The following PPP4R3B variants were observed in gnomAD, a reference collection of about 807,000 sequenced individuals.
The protein encoded by PPP4R3B is protein phosphatase 4 regulatory subunit 3B.
Under a neutral mutation model 95.4 loss-of-function variants are expected in PPP4R3B, and 52 were observed. That is an observed-to-expected ratio of 0.54 (90% CI 0.44 to 0.69). The LOEUF is 0.69. Among genes scored for constraint, PPP4R3B ranks in the 30% least tolerant of loss-of-function variants. The pLI is 0.00. For synonymous variants in PPP4R3B, 407 were observed against 343.9 expected (o/e 1.18, Z -2.03); for missense variants, 1,003 against 1,005.9 (o/e 1.00, Z 0.04).
At chr2:55,564,800 T>C in intron 14 of PPP4R3B, 102 bp downstream of exon 14, 1 of 1,407,400 alleles carries the variant, frequency 7.1e-7, no homozygotes, top group South Asian at 1.3e-5. Flanking sequence ...TATCCAGTGA[T>C]GGAAAGAAAA....
At chr2:55,604,752 C>A (rs1693141600) in intron 2 of PPP4R3B, among the ~76,000 whole-genome samples, 1 of 151,758 alleles carries the variant, frequency 6.6e-6, no homozygotes, top group African/African-American at 2.4e-5. Context: ...AGGTTGTCAC[C>A]CCTTGTATTA....
At position 55,609,682 on chromosome 2, in the gene PPP4R3B, C is replaced by A. The variant is rs13394625; in HGVS notation, c.199-5606G>T. Among the ~76,000 whole-genome samples, 409 of 138,110 alleles carry A rather than the reference C, an allele frequency of 3.0e-3. 1 individual carries two copies. The highest frequency in any genetic ancestry group is 7.9e-3 in the African/African-American group (295 of 37,552). 90.6% of individuals were successfully genotyped at this position (138,110 alleles called of 152,430 possible). On this transcript the variant is annotated intron_variant, in intron 2 of 16. Transcript: ENST00000616407. ...GACTGTGTCTCAAAAAAAAAAAAAA[C>A]AAAAAAAACAAAAAAACTCTTTCCA...
intron 4 of PPP4R3B, among the ~76,000 whole-genome samples, chr2:55,596,204 T>C (rs930982521): frequency 6.6e-6 from 1 of 152,226 alleles, no homozygotes; most frequent in African/African-American, 2.4e-5. Flanking sequence ...CAAGGACTCA[T>C]TTAATTTTAC....
At chr2:55,571,554 G>T (rs1687995475) in intron 12 of PPP4R3B, among the ~76,000 whole-genome samples, 1 of 152,060 alleles carries the variant, frequency 6.6e-6, no homozygotes, top group Non-Finnish European at 1.5e-5. Context: ...AAGTGAAGGG[G>T]TCTCAGTAGG....
At chr2:55,594,232 G>A (rs999826358) in intron 4 of PPP4R3B, among the ~76,000 whole-genome samples, 20 of 148,720 alleles carry the variant, frequency 1.3e-4, no homozygotes, top group Non-Finnish European at 3.0e-5. Flanking sequence ...TACACTAGAA[G>A]CCCAATCTCC....
intron 12 of PPP4R3B, among the ~76,000 whole-genome samples, chr2:55,572,165 A>C (rs994574898): frequency 6.6e-6 from 1 of 152,196 alleles, no homozygotes; most frequent in African/African-American, 2.4e-5. Flanking sequence ...CATAAATGTA[A>C]AAAAGGAAAT....
rs766444740 is a variant in PPP4R3B at position 55,564,489 on chromosome 2, G to A, written c.2084C>T (p.Ser695Phe). 6.9e-6 allele frequency: 11 copies of A among 1,599,968 alleles called. 1 individual carries two copies. In the Admixed American group the frequency reaches 1.4e-4, roughly 21 times the overall value. ...RQNQKLNSVP[S>F]ILRSNRFRRD... Reference sequence around the variant, plus strand: ...GCGAAATCTGTTACTACGCAATATAGATGGTACACTGTAAGAAATATATCA... The same window carrying A: ...GCGAAATCTGTTACTACGCAATATAAATGGTACACTGTAAGAAATATATCA... The change falls in exon 15 of 17, where the codon TCT (serine) becomes TTT (phenylalanine). Residue 695 changes from serine to phenylalanine, a missense_variant. Around this residue, in one of 3 missense-constraint regions of PPP4R3B, gnomAD observed 229 missense variants for 194.7 expected, o/e 1.18. Coordinates refer to ENST00000616407, the MANE Select transcript of PPP4R3B (RefSeq NM_001122964.3).
In PPP4R3B at chr2:55,598,828, C is replaced by G; in HGVS notation, c.509G>C (p.Gly170Ala). ...CAGCTGCAATAGTTTTTTAATATAG[C>G]CTTCATTTTCCAAGGCGAGAGCCAG... ...EKLALALENEGYIKKLLQLFQ... is the reference protein window; with the variant it reads ...EKLALALENEAYIKKLLQLFQ... Residue 170 changes from glycine to alanine, a missense_variant, in exon 4 of 17, where the codon GGC (glycine) becomes GCC (alanine). This residue lies in a region of PPP4R3B where 695 missense variants were observed against 686.2 expected (regional missense o/e 1.01). Transcript: ENST00000616407. The G allele has an allele frequency of 6.2e-7, 1 of 1,614,158 alleles. No homozygotes were observed. Among genetic ancestry groups the G allele is most frequent in the Non-Finnish European group, 8.5e-7 (1 of 1,180,026 alleles).
intron 16 of PPP4R3B, among the ~76,000 whole-genome samples, chr2:55,554,930 G>C (rs1023817086): frequency 2.0e-5 from 3 of 152,112 alleles, no homozygotes; most frequent in African/African-American, 4.8e-5. Context: ...TATGATGTGA[G>C]ATAGGGATCT....
At chr2:55,552,244 T>C (rs1398653556) in intron 16 of PPP4R3B, among the ~76,000 whole-genome samples, 3 of 152,226 alleles carry the variant, frequency 2.0e-5, no homozygotes, top group Non-Finnish European at 4.4e-5. Flanking sequence ...GCTGATTCCA[T>C]ACTTTTAATA....
In PPP4R3B at chr2:55,548,697, T is replaced by C. The variant is rs565841847; in HGVS notation, c.*1214A>G. ...TGGAATTACTGTTAAAGTTTTTTTT[T>C]CCCAATGCATTAAATTGTATTTTGG... is the stretch of plus-strand genomic sequence containing the variant. On this transcript the variant is annotated 3_prime_UTR_variant, in exon 17 of 17. Transcript: ENST00000616407. 7.9e-5 allele frequency: 12 copies of C among 152,730 alleles called. No individual in the cohort carries two copies. The East Asian group carries it at 9.6e-4, about 12-fold the overall frequency. The allele number at this position is 152,730 out of a possible 1,614,324, so 9.5% of individuals were successfully genotyped here. A position where few individuals can be genotyped will look rare whatever the true frequency, so the allele number is the denominator to read the frequency against.
chr2:55,582,876 T>C (rs1245319305), intron 7 of PPP4R3B, among the ~76,000 whole-genome samples: 2 of 152,202 alleles, frequency 1.3e-5, no homozygotes, highest in African/African-American at 4.8e-5. Context: ...AGTCAGGTTC[T>C]GCAAGTTTTA....
At chr2:55,588,329 C>G (rs1260776071) in intron 5 of PPP4R3B, among the ~76,000 whole-genome samples, 5 of 152,000 alleles carry the variant, frequency 3.3e-5, no homozygotes, top group Non-Finnish European at 7.4e-5. Flanking sequence ...GCCTGACCAA[C>G]ATGGAGAAAT....
intron 3 of PPP4R3B, among the ~76,000 whole-genome samples, chr2:55,600,884 C>A (rs577996857): frequency 7.9e-5 from 12 of 152,184 alleles, no homozygotes; most frequent in Non-Finnish European, 1.0e-4. Context: ...CTAAGCTGGG[C>A]GCTGTGGCTC....
Position 55,598,480 on chromosome 2 carries a change from T to C in PPP4R3B, c.857A>G (p.Asn286Ser). 6.2e-7 allele frequency: 1 copy of C among 1,614,016 alleles called. No individual in the cohort carries two copies. The highest frequency in any genetic ancestry group is 1.1e-5 in the South Asian group (1 of 91,072). ...AAAAGACGTAAGAGTAGAAAGAAAA[T>C]TCTCTTCAAAAACAGATGGTGTGGG... ...ILPTPSVFEE[N>S]FLSTLTSFIF... The change falls in exon 4 of 17, where the codon AAT becomes AGT. Residue 286 changes from asparagine to serine, a missense_variant. Around this residue, in one of 3 missense-constraint regions of PPP4R3B, gnomAD observed 695 missense variants for 686.2 expected, o/e 1.01. Transcript: ENST00000616407.
At chr2:55,597,989 G>A (rs1489593508) in intron 4 of PPP4R3B, among the ~76,000 whole-genome samples, 3 of 151,996 alleles carry the variant, frequency 2.0e-5, no homozygotes, top group Admixed American at 6.6e-5. Flanking sequence ...AGGCTGAGGC[G>A]GGCGGACTGC....
chr2:55,581,785 T>G (rs1689473795), intron 7 of PPP4R3B, 87 bp from the exon 8 acceptor site: 1 of 1,423,320 alleles, frequency 7.0e-7, no homozygotes, highest in East Asian at 2.4e-5. Flanking sequence ...AAGAGCAAAG[T>G]GAGAATTATA....
chr2:55,605,552 T>C (rs1693256805), intron 2 of PPP4R3B, among the ~76,000 whole-genome samples: 1 of 152,222 alleles, frequency 6.6e-6, no homozygotes, highest in South Asian at 2.1e-4. Context: ...GCTATGCTTT[T>C]TGGGAGAAAT....
chr2:55,611,841 G>A (rs1033509184), intron 2 of PPP4R3B, among the ~76,000 whole-genome samples: 18 of 151,880 alleles, frequency 1.2e-4, no homozygotes, highest in African/African-American at 3.4e-4. Flanking sequence ...TGATCCTCCC[G>A]TCTCACCTCC....
Sources: allele counts gnomAD v4.1 joint callset (sites outside exome capture counted in the v4.1 genomes callset), GRCh38; gene constraint gnomAD v4.1.1; regional missense constraint gnomAD v4.1.1; transcripts MANE v1.5; gene names NCBI Gene and HGNC (gene_info 2026-07-23, HGNC 2026-07-21).